The following NAV2 variants were observed in gnomAD, a reference collection of about 807,000 sequenced individuals.
NAV2 encodes neuron navigator 2.
NAV2 carries 54 observed loss-of-function variants against 223.2 expected under a neutral mutation model. The ratio of observed to expected loss-of-function variants is 0.24; its 90% CI spans 0.19 to 0.30. NAV2 has a LOEUF of 0.30. NAV2 is among the 10% of genes least tolerant of loss of function. NAV2 has a pLI of 1.00. For synonymous variants in NAV2, 1,279 were observed against 1,239.3 expected, an observed-to-expected ratio of 1.03 and a Z score of -0.67; for missense variants, 2,806 against 3,147.5, an observed-to-expected ratio of 0.89 and a Z score of 2.60.
chr11:19,758,546 C>T (rs745727003), intron 1 of NAV2, among the ~76,000 whole-genome samples: 1 of 152,098 alleles, frequency 6.6e-6, no homozygotes, highest in South Asian at 2.1e-4. Flanking sequence ...TCCATCCCCA[C>T]CAATGTATGG....
chr11:19,417,412 T>C (rs1028057272), intron 1 of NAV2, among the ~76,000 whole-genome samples: 1 of 152,156 alleles, frequency 6.6e-6, no homozygotes, highest in African/African-American at 2.4e-5. Context: ...CCCATGCCAA[T>C]TGGAATTGTG....
At chr11:19,512,032 T>C (rs1457929617) in intron 1 of NAV2, among the ~76,000 whole-genome samples, 1 of 152,188 alleles carries the variant, frequency 6.6e-6, no homozygotes, top group Non-Finnish European at 1.5e-5. Flanking sequence ...CCCTGCCTAA[T>C]GCCTTTTGTA....
chr11:19,716,078 G>GT (rs11442028), intron 1 of NAV2, among the ~76,000 whole-genome samples: 57,028 of 151,942 alleles, frequency 0.38, 10,875 homozygotes, highest in South Asian at 0.43. Flanking sequence ...CAGTCTCTTG[G>GT]TTATGGCATG....
In NAV2 at chr11:19,984,201, G is replaced by A; in HGVS notation, c.2722G>A (p.Glu908Lys). Residue 908 changes from glutamate to lysine, a missense_variant, in exon 11 of 38, where the codon GAG becomes AAG. Physicochemically the swap from Glu to Lys is moderately conservative, Grantham distance 56. Coordinates refer to ENST00000349880, the MANE Select transcript of NAV2 (RefSeq NM_145117.5). ...CCCTGATGGGATGGCTGTGGTACGG[G>A]AGACCCTGCAACGAAATACCTCCCT... is the stretch of plus-strand genomic sequence containing the variant. Reference protein sequence around the residue: ...RLPDGMAVVRETLQRNTSLGL... With the variant: ...RLPDGMAVVRKTLQRNTSLGL... The A allele has an allele frequency of 6.2e-7, 1 of 1,614,194 alleles. No homozygotes were observed. Among genetic ancestry groups the A allele is most frequent in the Non-Finnish European group, 8.5e-7 (1 of 1,180,022 alleles).
At chr11:19,983,651 A>G (rs1161124620) in intron 10 of NAV2, among the ~76,000 whole-genome samples, 2 of 152,166 alleles carry the variant, frequency 1.3e-5, no homozygotes, top group African/African-American at 4.8e-5. Context: ...AAGGCCACTC[A>G]TCTATCCTCT....
Position 19,892,453 on chromosome 11 carries a change from A to C in NAV2, c.790A>C (p.Arg264=). ...TTTTAGACTTCCAGGTCCTACCGCGAGGGTATCCGCTGCAGGCAGCGAGGC... is the reference window on the plus strand; with the variant it reads ...TTTTAGACTTCCAGGTCCTACCGCGCGGGTATCCGCTGCAGGCAGCGAGGC... ...MQSRLPGPTA[R]VSAAGSEAKT... The change falls in exon 6 of 38, where the codon AGG becomes CGG. Residue 264 remains arginine, a synonymous_variant. Transcript: ENST00000349880. The C allele has an allele frequency of 6.2e-7, 1 of 1,614,008 alleles. No homozygotes were observed. The highest frequency in any genetic ancestry group is 2.2e-5 in the East Asian group (1 of 44,880).
rs2044936054 is a variant in NAV2, at chr11:19,927,908, T to C, written c.932-5268T>C. Among the ~76,000 whole-genome samples, 3 of 152,354 alleles carry C rather than the reference T, an allele frequency of 2.0e-5. No individual in the cohort carries two copies. The South Asian group carries it at 6.2e-4, about 32-fold the overall frequency. On this transcript the variant is annotated intron_variant, in intron 6 of 37. Transcript: ENST00000349880. ...CTATGTGGTCAAAAATTGTCACAGC[T>C]ACTATTTTAAAATTACCTTTGGCTC...
intron 1 of NAV2, among the ~76,000 whole-genome samples, chr11:19,556,225 C>CAATTTACA: frequency 6.6e-6 from 1 of 152,338 alleles, no homozygotes; most frequent in South Asian, 2.1e-4. Flanking sequence ...GTAAAAGTGA[C>CAATTTACA]AGGTTCAAGC....
chr11:19,408,014 C>G (rs1464572179), intron 1 of NAV2, among the ~76,000 whole-genome samples: 1 of 152,130 alleles, frequency 6.6e-6, no homozygotes, highest in East Asian at 1.9e-4. Context: ...ACCGTGCTGA[C>G]CTGGGACTTT....
intron 1 of NAV2, among the ~76,000 whole-genome samples, chr11:19,372,562 G>C (rs961024345): frequency 2.2e-4 from 33 of 152,268 alleles, no homozygotes; most frequent in East Asian, 5.8e-4. Flanking sequence ...CAGATGTCTG[G>C]GGGTGCTTGC....
intron 11 of NAV2, among the ~76,000 whole-genome samples, chr11:20,034,145 G>A (rs993887348): frequency 6.6e-6 from 1 of 152,102 alleles, no homozygotes; most frequent in Non-Finnish European, 1.5e-5. Flanking sequence ...AGAATGGCTC[G>A]ATCAAGATCC....
At chr11:20,017,429 C>T (rs1326276651) in intron 11 of NAV2, among the ~76,000 whole-genome samples, 2 of 152,166 alleles carry the variant, frequency 1.3e-5, no homozygotes, top group Non-Finnish European at 2.9e-5. Context: ...TTCATGTCTT[C>T]CTTTAAATGT....
intron 3 of NAV2, among the ~76,000 whole-genome samples, chr11:19,858,039 G>A (rs1000129637): frequency 6.6e-6 from 1 of 152,090 alleles, no homozygotes; most frequent in Non-Finnish European, 1.5e-5. Context: ...TGTATTTTTA[G>A]TAGAGATGGG....
At chr11:19,634,434 C>G (rs1488498643) in intron 1 of NAV2, among the ~76,000 whole-genome samples, 2 of 152,118 alleles carry the variant, frequency 1.3e-5, no homozygotes, top group African/African-American at 4.8e-5. Context: ...CAACAAACCC[C>G]CATGACATGA....
chr11:19,513,981 G>A (rs1277881151), intron 1 of NAV2, among the ~76,000 whole-genome samples: 1 of 152,182 alleles, frequency 6.6e-6, no homozygotes, highest in Non-Finnish European at 1.5e-5. Flanking sequence ...CTTGATTCTG[G>A]ACTTCTAGCC....
chr11:19,437,432 C>T (rs1851253761), intron 1 of NAV2, among the ~76,000 whole-genome samples: 2 of 152,050 alleles, frequency 1.3e-5, no homozygotes, highest in Non-Finnish European at 2.9e-5. Context: ...CAATCTGTTT[C>T]CAACCCCACC....
intron 1 of NAV2, among the ~76,000 whole-genome samples, chr11:19,744,111 C>T (rs2053122154): frequency 6.6e-6 from 1 of 152,212 alleles, no homozygotes. Flanking sequence ...TCCCATATTA[C>T]AGATGAAGAA....
chr11:19,702,593 A>C (rs1319547318), intron 1 of NAV2, among the ~76,000 whole-genome samples: 3 of 152,088 alleles, frequency 2.0e-5, no homozygotes, highest in Admixed American at 1.3e-4. Context: ...AGCCCGGGCA[A>C]CATGATGGAA....
At chr11:19,705,864 G>T (rs972394182) in intron 1 of NAV2, among the ~76,000 whole-genome samples, 6 of 152,114 alleles carry the variant, frequency 3.9e-5, no homozygotes, top group Non-Finnish European at 7.4e-5. Flanking sequence ...CATTTTTTGG[G>T]AGCCCTTCAT....
Sources: allele counts gnomAD v4.1 joint callset (sites outside exome capture counted in the v4.1 genomes callset), GRCh38; gene constraint gnomAD v4.1.1; transcripts MANE v1.5; gene names NCBI Gene and HGNC (gene_info 2026-07-23, HGNC 2026-07-21).